The following POU2F1 variants were observed in gnomAD, a reference collection of about 807,000 sequenced individuals.
The protein encoded by POU2F1 is POU class 2 homeobox 1.
In POU2F1, 16 loss-of-function variants were observed where a neutral mutation model predicts 84.9. The observed-to-expected ratio is 0.19, with a 90% CI of 0.13 to 0.29. POU2F1 has a LOEUF of 0.29. Ranked by LOEUF, POU2F1 falls within the 10% of genes least tolerant of loss-of-function variation. The probability of loss-of-function intolerance (pLI) is 1.00; values close to 1 mark genes in which losing one functional copy is unlikely to be tolerated. For synonymous variants in POU2F1, 368 were observed against 368.3 expected (o/e 1.00, Z 0.01); for missense variants, 738 against 942.6 (o/e 0.78, Z 2.84).
chr1:167,352,295 T>A (rs1378580814), intron 2 of POU2F1, among the ~76,000 whole-genome samples: 1 of 152,220 alleles, frequency 6.6e-6, no homozygotes, highest in East Asian at 1.9e-4. Context: ...TTGATTTGAT[T>A]CCTTTTTAAA....
At chr1:167,304,749 G>A (rs1315247299) in intron 1 of POU2F1, among the ~76,000 whole-genome samples, 2 of 152,140 alleles carry the variant, frequency 1.3e-5, no homozygotes, top group African/African-American at 4.8e-5. Context: ...TGAAGTTCAA[G>A]TAAACTAATT....
chr1:167,415,183 G>C (rs567869624), intron 15 of POU2F1, among the ~76,000 whole-genome samples: 1 of 152,218 alleles, frequency 6.6e-6, no homozygotes, highest in Admixed American at 6.5e-5. Flanking sequence ...TATCAAATAT[G>C]TCTAGGTAAA....
intron 1 of POU2F1, among the ~76,000 whole-genome samples, chr1:167,248,111 T>G (rs993748322): frequency 6.6e-6 from 1 of 152,222 alleles, no homozygotes; most frequent in African/African-American, 2.4e-5. Context: ...GTGAGTAATG[T>G]TCTGAATTTA....
intron 1 of POU2F1, among the ~76,000 whole-genome samples, chr1:167,289,226 C>T (rs1465239756): frequency 8.5e-5 from 13 of 152,062 alleles, no homozygotes; most frequent in Admixed American, 7.2e-4. Context: ...ATATCCCTGA[C>T]GTAATATTTA....
At position 167,415,972 on chromosome 1, in the gene POU2F1, C is replaced by G. The variant is rs1479161724; in HGVS notation, c.*162C>G. Reference sequence around the variant, plus strand: ...AAAAAAAAAACCACACACACCCATACACACATACCAGAAAAAGAAAGAAAG... The same window carrying G: ...AAAAAAAAAACCACACACACCCATAGACACATACCAGAAAAAGAAAGAAAG... On this transcript the variant is annotated 3_prime_UTR_variant, in exon 16 of 16. Coordinates refer to ENST00000367866, the MANE Select transcript of POU2F1 (RefSeq NM_002697.4). The G allele has an allele frequency of 8.2e-6, 6 of 730,166 alleles. No individual in the cohort carries two copies. The South Asian group carries it at 1.1e-4, about 13-fold the overall frequency. 45.2% of individuals were successfully genotyped at this position (730,166 alleles called of 1,614,324 possible). A position where few individuals can be genotyped will look rare whatever the true frequency, so the allele number is the denominator to read the frequency against.
chr1:167,361,903 T>C (rs553437943), intron 2 of POU2F1, among the ~76,000 whole-genome samples: 17 of 152,330 alleles, frequency 1.1e-4, no homozygotes, highest in African/African-American at 2.4e-4. Context: ...TGGTTTTTTT[T>C]CTACTTTTCC....
At chr1:167,222,936 T>G (rs762116884) in intron 1 of POU2F1, among the ~76,000 whole-genome samples, 26 of 152,334 alleles carry the variant, frequency 1.7e-4, no homozygotes, top group Middle Eastern at 3.4e-3. Context: ...TGTAAAGGTC[T>G]GTAGTATTTG....
chr1:167,422,957 T>G lies in POU2F1; in HGVS notation c.*7147T>G, dbSNP rs1650731661. On this transcript the variant is annotated 3_prime_UTR_variant, in exon 16 of 16. Transcript: ENST00000367866. ...ATTTTGTTTTGCTCTGCTGGCTCTT[T>G]AAAGATGGATAGTTGCTCAATCTAG... 1 of 152,226 alleles carries G rather than the reference T, an allele frequency of 6.6e-6. No individual in the cohort carries two copies. Among genetic ancestry groups the G allele is most frequent in the Non-Finnish European group, 1.5e-5 (1 of 68,040 alleles). The allele number at this position is 152,226 out of a possible 1,614,324, so 9.4% of individuals were successfully genotyped here. A position where few individuals can be genotyped will look rare whatever the true frequency, so the allele number is the denominator to read the frequency against.
chr1:167,412,804 A>G (rs1650054109), intron 14 of POU2F1, among the ~76,000 whole-genome samples: 1 of 152,248 alleles, frequency 6.6e-6, no homozygotes, highest in South Asian at 2.1e-4. Flanking sequence ...CAAAATGACT[A>G]TAAAAGTTTT....
intron 1 of POU2F1, among the ~76,000 whole-genome samples, chr1:167,252,339 G>A (rs1423323817): frequency 1.3e-5 from 2 of 152,148 alleles, no homozygotes; most frequent in Non-Finnish European, 2.9e-5. Context: ...CAGACCAACA[G>A]AGAGTATATT....
intron 1 of POU2F1, among the ~76,000 whole-genome samples, chr1:167,308,193 A>G (rs1379484503): frequency 6.6e-6 from 1 of 151,374 alleles, no homozygotes; most frequent in African/African-American, 2.4e-5. Context: ...CAGCCTTCCG[A>G]GTAGCTGGAA....
intron 1 of POU2F1, among the ~76,000 whole-genome samples, chr1:167,308,397 C>T (rs189418915): frequency 1.4e-4 from 21 of 151,758 alleles, no homozygotes; most frequent in Admixed American, 2.6e-4. Context: ...TACCTTTGAT[C>T]GCTTAAGGTG....
chr1:167,253,384 C>CA (rs949696313), intron 1 of POU2F1, among the ~76,000 whole-genome samples: 1 of 146,344 alleles, frequency 6.8e-6, no homozygotes, highest in African/African-American at 2.7e-5. Context: ...CTGCCCCCCC[C>CA]CCCCCAAACA....
chr1:167,338,712 A>G (rs904964414), intron 2 of POU2F1, among the ~76,000 whole-genome samples: 22 of 152,176 alleles, frequency 1.4e-4, no homozygotes, highest in South Asian at 4.1e-4. Context: ...AGTCTATTCT[A>G]TGTTCTCAAG....
At chr1:167,375,844 G>A (rs770183072) in intron 6 of POU2F1, among the ~76,000 whole-genome samples, 185 bp from the exon 7 acceptor site, 4 of 152,156 alleles carry the variant, frequency 2.6e-5, no homozygotes, top group Non-Finnish European at 5.9e-5. Context: ...AGTTGCAGAG[G>A]CTCCAGGTTG....
chr1:167,250,910 T>C lies in POU2F1; in HGVS notation c.61+29952T>C, dbSNP rs80215741. ...GTTTAGGAGCATAAATGAACACATA[T>C]ACACAGACTTTATTTTGCTGGAATT... On this transcript the variant is annotated intron_variant, in intron 1 of 15. Coordinates refer to ENST00000367866, the MANE Select transcript of POU2F1 (RefSeq NM_002697.4). Among the ~76,000 whole-genome samples the C allele has an allele frequency of 6.7e-3, 1,017 of 152,338 alleles. 8 individuals are homozygous for C. The highest frequency in any genetic ancestry group is 0.023 in the African/African-American group (965 of 41,580).
chr1:167,339,529 T>C (rs1271409748), intron 2 of POU2F1, among the ~76,000 whole-genome samples: 2 of 152,236 alleles, frequency 1.3e-5, no homozygotes, highest in African/African-American at 2.4e-5. Context: ...AAAAGGAATA[T>C]TGGACAAACA....
chr1:167,389,934 C>A (rs1648274945), intron 9 of POU2F1, among the ~76,000 whole-genome samples, 173 bp downstream of exon 9: 1 of 152,018 alleles, frequency 6.6e-6, no homozygotes, highest in African/African-American at 2.4e-5. Context: ...TTTTTTCTTG[C>A]CATTATTTCC....
chr1:167,341,989 CCTTCT>C (rs1557909042), intron 2 of POU2F1, among the ~76,000 whole-genome samples: 1 of 152,176 alleles, frequency 6.6e-6, no homozygotes, highest in East Asian at 1.9e-4. Flanking sequence ...TTCAGACATT[CCTTCT>C]CTTCTCTCTG....
Sources: allele counts gnomAD v4.1 joint callset (sites outside exome capture counted in the v4.1 genomes callset), GRCh38; gene constraint gnomAD v4.1.1; transcripts MANE v1.5; gene names NCBI Gene and HGNC (gene_info 2026-07-23, HGNC 2026-07-21).